The following UCHL3 variants were observed in gnomAD, a reference collection of about 807,000 sequenced individuals.
The protein encoded by UCHL3 is ubiquitin C-terminal hydrolase L3, also known as ubiquitin carboxyl-terminal hydrolase isozyme L3.
In UCHL3, 22 loss-of-function variants were observed where a neutral mutation model predicts 35.8. That is an observed-to-expected ratio of 0.61 (90% CI 0.44 to 0.88). The LOEUF (loss-of-function observed/expected upper bound fraction) is 0.88. UCHL3 is among the 40% of genes least tolerant of loss of function. The probability of loss-of-function intolerance (pLI) is 0.00; values close to 1 mark genes in which losing one functional copy is unlikely to be tolerated. For synonymous variants in UCHL3, 90 were observed against 92.8 expected (o/e 0.97, Z 0.17); for missense variants, 229 against 276.9 (o/e 0.83, Z 1.23).
chr13:75,563,013 T>G (rs915425462), intron 3 of UCHL3, among the ~76,000 whole-genome samples: 1 of 152,176 alleles, frequency 6.6e-6, no homozygotes. Context: ...GTGCATTCTT[T>G]AGGAGCTGCA....
chr13:75,579,339 G>A (rs1240897120), intron 6 of UCHL3, among the ~76,000 whole-genome samples: 6 of 151,966 alleles, frequency 3.9e-5, no homozygotes, highest in African/African-American at 1.4e-4. Flanking sequence ...TCTGATCTTT[G>A]TTTTTCTTTA....
At chr13:75,584,518 A>G (rs979668319) in intron 6 of UCHL3, among the ~76,000 whole-genome samples, 3 of 152,164 alleles carry the variant, frequency 2.0e-5, no homozygotes, top group Non-Finnish European at 4.4e-5. Context: ...ATCCCCATAC[A>G]CTAAGTTGTA....
intron 7 of UCHL3, among the ~76,000 whole-genome samples, chr13:75,596,849 A>C (rs2032658580): frequency 1.3e-5 from 2 of 152,214 alleles, no homozygotes; most frequent in South Asian, 4.1e-4. Flanking sequence ...GAGCATGCCA[A>C]GATCAACACA....
chr13:75,556,245 A>G (rs943079010), intron 2 of UCHL3, among the ~76,000 whole-genome samples: 2 of 152,210 alleles, frequency 1.3e-5, no homozygotes, highest in Admixed American at 6.5e-5. Context: ...TAATCCACAC[A>G]TAAAGTGTTT....
Position 75,563,127 on chromosome 13 carries a change from TTATGTATGTATG to T in UCHL3, c.183+2274_183+2285del, listed in dbSNP as rs1215333452. ...ACTGTCATGGGTACCTCATTATCCT[TTATGTATGTATG>T]TATGTATGTATGTATGTATGTATGT... On this transcript the variant is annotated intron_variant, in intron 3 of 8. Coordinates refer to ENST00000377595, the MANE Select transcript of UCHL3 (RefSeq NM_006002.5). Among the ~76,000 whole-genome samples, 138 of 56,410 alleles carry T rather than the reference TTATGTATGTATG, an allele frequency of 2.4e-3. 1 individual carries two copies. Among genetic ancestry groups the T allele is most frequent in the South Asian group, 0.022 (52 of 2,370 alleles). The allele number at this position is 56,410 out of a possible 152,430, so 37.0% of individuals were successfully genotyped here.
chr13:75,566,933 T>C, intron 4 of UCHL3, 82 bp downstream of exon 4: 1 of 1,427,050 alleles, frequency 7.0e-7, no homozygotes, highest in Non-Finnish European at 9.4e-7. Flanking sequence ...GCTCTAATTC[T>C]TTCTTCAAAC....
At chr13:75,563,167 A>G (rs9543978) in intron 3 of UCHL3, among the ~76,000 whole-genome samples, 2 of 145,962 alleles carry the variant, frequency 1.4e-5, no homozygotes, top group South Asian at 2.3e-4. Flanking sequence ...ATGTATGTAT[A>G]TATATGTTTA....
At chr13:75,603,196 C>T (rs34949196) in intron 7 of UCHL3, among the ~76,000 whole-genome samples, 16,820 of 152,058 alleles carry the variant, frequency 0.11, 1,176 homozygotes, top group Non-Finnish European at 0.16. Flanking sequence ...CACTGTATTG[C>T]CCAGGCTGGT....
chr13:75,599,931 A>T (rs988976062), intron 7 of UCHL3, among the ~76,000 whole-genome samples: 1 of 152,228 alleles, frequency 6.6e-6, no homozygotes, highest in Non-Finnish European at 1.5e-5. Flanking sequence ...CCAAGTTGTG[A>T]ATGCAAAGGA....
At chr13:75,567,168 T>G in intron 4 of UCHL3, 59 bp from the exon 5 acceptor site, 1 of 1,447,136 alleles carries the variant, frequency 6.9e-7, no homozygotes, top group Non-Finnish European at 9.6e-7. Context: ...AGTATTTTCA[T>G]ATATTGGTCT....
chr13:75,557,654 T>C (rs2031339193), intron 2 of UCHL3, among the ~76,000 whole-genome samples: 1 of 152,226 alleles, frequency 6.6e-6, no homozygotes, highest in Non-Finnish European at 1.5e-5. Context: ...ATTATCTTTG[T>C]GAGCAGTCTG....
At chr13:75,594,862 T>C in intron 6 of UCHL3, 53 bp from the exon 7 acceptor site, 2 of 1,328,824 alleles carry the variant, frequency 1.5e-6, no homozygotes. Context: ...TATACATGAC[T>C]GATTTGTTTG....
intron 6 of UCHL3, among the ~76,000 whole-genome samples, chr13:75,577,401 G>A (rs4885318): frequency 0.8 from 121,009 of 152,210 alleles, 48,934 homozygotes; most frequent in Middle Eastern, 0.91. Context: ...GTAATCTAGA[G>A]ATGATTTAAA....
At chr13:75,549,763 A>AGCGGCGGCGGCG (rs1252302993), upstream of UCHL3, 2 of 1,443,978 alleles carry the variant, frequency 1.4e-6, no homozygotes, top group African/African-American at 3.2e-5. Context: ...CGTGGGCGGA[A>AGCGGCGGCGGCG]GCGGCGGCGG....
chr13:75,582,086 T>C (rs191617777), intron 6 of UCHL3, among the ~76,000 whole-genome samples: 25 of 152,306 alleles, frequency 1.6e-4, no homozygotes, highest in South Asian at 1.0e-3. Context: ...TCACTAGTTA[T>C]GTGGCTTTGG....
At chr13:75,571,782 A>T (rs2138505552) in intron 6 of UCHL3, among the ~76,000 whole-genome samples, 1 of 152,288 alleles carries the variant, frequency 6.6e-6, no homozygotes, top group East Asian at 1.9e-4. Context: ...GTACTCCCAT[A>T]AGAATTAATC....
chr13:75,597,860 T>C (rs1389490594), intron 7 of UCHL3, among the ~76,000 whole-genome samples: 2 of 152,228 alleles, frequency 1.3e-5, no homozygotes, highest in Admixed American at 1.3e-4. Flanking sequence ...ATTAATTCCC[T>C]ACTCTAATAA....
chr13:75,549,866 G>C lies in UCHL3; in HGVS notation c.42+4G>C. The C allele has an allele frequency of 6.2e-7, 1 of 1,609,554 alleles. No homozygotes were observed. The highest frequency in any genetic ancestry group is 8.5e-7 in the Non-Finnish European group (1 of 1,177,612). On this transcript the variant is annotated splice_donor_region_variant and intron_variant, in intron 1 of 8. Coordinates refer to ENST00000377595, the MANE Select transcript of UCHL3 (RefSeq NM_006002.5). ...GCCGCTGGAGGCCAATCCCGAGGTG[G>C]GCGCGCTTCGGGGCAGCCCTGGGCC...
rs535717985 is a variant in UCHL3 at position 75,602,002 on chromosome 13, G to A, written c.551-2767G>A. Among the ~76,000 whole-genome samples the A allele has an allele frequency of 2.0e-5, 3 of 152,102 alleles. No individual in the cohort carries two copies. In the East Asian group the frequency reaches 5.8e-4, roughly 29 times the overall value. ...TGGGTGCCTGTAGTCCCAGCTGCTC[G>A]GGAGGCTGAGGCAGGAGAATGGCGT... On this transcript the variant is annotated intron_variant, in intron 7 of 8. Coordinates refer to ENST00000377595, the MANE Select transcript of UCHL3 (RefSeq NM_006002.5).
Sources: gnomAD v4.1 joint callset for allele counts (sites outside exome capture counted in the v4.1 genomes callset) on GRCh38, gnomAD v4.1.1 for gene constraint, MANE v1.5 for transcripts, NCBI Gene and HGNC (gene_info 2026-07-23, HGNC 2026-07-21) for gene names.